IFITM10: variants seen among roughly 807,000 people sequenced by gnomAD.
The protein encoded by IFITM10 is interferon-induced transmembrane protein 10.
IFITM10 carries 17 observed loss-of-function variants against 19.0 expected under a neutral mutation model. The observed-to-expected ratio is 0.90, with a 90% confidence interval of 0.61 to 1.34. IFITM10 has a LOEUF of 1.34. IFITM10 is among the 40% of genes most tolerant of loss of function. The pLI is 0.00. For synonymous variants in IFITM10, 148 were observed against 147.2 expected (o/e 1.01, Z -0.04); for missense variants, 306 against 319.8 (o/e 0.96, Z 0.33).
intron 2 of IFITM10, among the ~76,000 whole-genome samples, chr11:1,739,514 G>C (rs1473087418): frequency 6.6e-6 from 1 of 152,164 alleles, no homozygotes; most frequent in Non-Finnish European, 1.5e-5. Context: ...TACATTGTAG[G>C]GAGAAGATAC....
rs1366146045 is a variant in IFITM10, at chr11:1,734,283, A to T, written c.*997T>A. 6.6e-6 allele frequency: 1 copy of T among 152,214 alleles called. No homozygotes were observed. The highest frequency in any genetic ancestry group is 1.9e-4 in the East Asian group (1 of 5,162). 9.4% of individuals were successfully genotyped at this position (152,214 alleles called of 1,614,324 possible). On this transcript the variant is annotated 3_prime_UTR_variant, in exon 3 of 3. Transcript: ENST00000340134. ...CTGCCTCCCACATTGTGGACTGCAC[A>T]TGCCATGGGCCGTCAGGGCGCTGGC...
At chr11:1,746,314 A>G (rs936962616) in intron 2 of IFITM10, 8 of 369,256 alleles carry the variant, frequency 2.2e-5, no homozygotes, top group African/African-American at 1.5e-4. Flanking sequence ...ACATGCAAAT[A>G]CACTCCTGCC....
intron 1 of IFITM10, 98 bp from the exon 2 acceptor site, chr11:1,748,217 A>C: frequency 1.0e-6 from 1 of 960,178 alleles, no homozygotes; most frequent in Non-Finnish European, 1.4e-6. Flanking sequence ...TGGAGACGGA[A>C]ATCCCTGCGG....
At position 1,749,049 on chromosome 11, in the gene IFITM10, CT is replaced by C. The variant is rs1226034081; in HGVS notation, c.85-931del. On this transcript the variant is annotated intron_variant, in intron 1 of 2. Coordinates refer to ENST00000340134, the MANE Select transcript of IFITM10 (RefSeq NM_001170820.4). ...ACTCCTCGGCGCGCGGCCGGACCCC[CT>C]GAGCCTCGGTGCGCGCGTCCTTCCG... 9 of 1,128,686 alleles carry C rather than the reference CT, an allele frequency of 8.0e-6. No homozygotes were observed. In the African/African-American group the frequency reaches 1.0e-4, roughly 13 times the overall value. 69.9% of individuals were successfully genotyped at this position (1,128,686 alleles called of 1,614,324 possible).
intron 2 of IFITM10, among the ~76,000 whole-genome samples, chr11:1,736,136 A>G (rs558071641): frequency 2.0e-5 from 3 of 152,352 alleles, no homozygotes; most frequent in South Asian, 2.1e-4. Context: ...GTTTGCTGTA[A>G]GAAGAAACCA....
At chr11:1,744,601 A>C (rs750039208) in intron 2 of IFITM10, 1 of 152,184 alleles carries the variant, frequency 6.6e-6, no homozygotes, top group Non-Finnish European at 1.5e-5. Context: ...TCTGCGCTGC[A>C]GATCCAGCCT....
At chr11:1,745,340 G>A (rs1845626168) in intron 2 of IFITM10, 1 of 152,308 alleles carries the variant, frequency 6.6e-6, no homozygotes, top group Non-Finnish European at 1.5e-5. Context: ...ACAGAGAGAG[G>A]GGAGGCAGAG....
At chr11:1,749,444 C>A (rs1845693229) in intron 1 of IFITM10, among the ~76,000 whole-genome samples, 1 of 144,262 alleles carries the variant, frequency 6.9e-6, no homozygotes, top group Non-Finnish European at 1.5e-5. Flanking sequence ...CCATCCCTCT[C>A]GCGGAGCCCC....
chr11:1,738,495 G>C (rs960085725), intron 2 of IFITM10, among the ~76,000 whole-genome samples: 2 of 152,224 alleles, frequency 1.3e-5, no homozygotes, highest in Non-Finnish European at 2.9e-5. Flanking sequence ...CAAGTGGACA[G>C]ATGGATATGC....
intron 2 of IFITM10, among the ~76,000 whole-genome samples, chr11:1,743,184 A>G (rs568651501): frequency 4.6e-5 from 7 of 151,118 alleles, no homozygotes; most frequent in Non-Finnish European, 1.0e-4. Context: ...CAGATGAAGA[A>G]TGGACAAATG....
chr11:1,749,827 T>C (rs75963634), intron 1 of IFITM10, among the ~76,000 whole-genome samples: 18,394 of 152,088 alleles, frequency 0.12, 1,308 homozygotes, highest in Middle Eastern at 0.21. Context: ...TGTTCCTTCC[T>C]GGCTGAGCCC....
At chr11:1,750,270 C>T (rs1845702033) in intron 1 of IFITM10, 89 bp downstream of exon 1, 1 of 1,547,772 alleles carries the variant, frequency 6.5e-7, no homozygotes, top group Non-Finnish European at 8.7e-7. Flanking sequence ...TGAGTTCCTC[C>T]CCATGGAGAA....
At position 1,750,248 on chromosome 11, in the gene IFITM10, T is replaced by C. The variant is rs995094775; in HGVS notation, c.84+111A>G. 3 of 1,529,872 alleles carry C rather than the reference T, an allele frequency of 2.0e-6. No individual in the cohort carries two copies. In the African/African-American group the frequency reaches 4.1e-5, roughly 21 times the overall value. 94.8% of individuals were successfully genotyped at this position (1,529,872 alleles called of 1,614,324 possible). A position where few individuals can be genotyped will look rare whatever the true frequency, so the allele number is the denominator to read the frequency against. On this transcript the variant is annotated intron_variant, in intron 1 of 2. Transcript: ENST00000340134. Reference sequence around the variant, plus strand: ...GACGCCAGCTGATCTTCCATCCCCATAACAGTCCCCATGAGTTCCTCCCCA... The same window carrying C: ...GACGCCAGCTGATCTTCCATCCCCACAACAGTCCCCATGAGTTCCTCCCCA...
At chr11:1,748,825 CCATA>C (rs1335788971) in intron 1 of IFITM10, 1 of 160,008 alleles carries the variant, frequency 6.2e-6, no homozygotes, top group African/African-American at 2.4e-5. Context: ...CACCCCCGGG[CCATA>C]CATAGACGCA....
At chr11:1,746,374 A>C (rs1242401193) in intron 2 of IFITM10, 1 of 395,430 alleles carries the variant, frequency 2.5e-6, no homozygotes, top group African/African-American at 2.1e-5. Context: ...AAATATATGT[A>C]CACACTCATG....
At chr11:1,746,738 C>G (rs1845654937) in intron 2 of IFITM10, 1 of 398,856 alleles carries the variant, frequency 2.5e-6, no homozygotes, top group African/African-American at 2.1e-5. Context: ...CTGTCTTCTC[C>G]CCCACCCGGC....
intron 2 of IFITM10, among the ~76,000 whole-genome samples, chr11:1,741,778 T>C (rs1158807696): frequency 1.3e-5 from 2 of 152,190 alleles, no homozygotes; most frequent in Non-Finnish European, 1.5e-5. Flanking sequence ...TGACTGTTCA[T>C]GTCCCCCAAA....
At chr11:1,744,280 G>A (rs1845611463) in intron 2 of IFITM10, 1 of 152,258 alleles carries the variant, frequency 6.6e-6, no homozygotes, top group African/African-American at 2.4e-5. Context: ...GTGAGCAGAT[G>A]TGGCTGGGGC....
intron 2 of IFITM10, among the ~76,000 whole-genome samples, chr11:1,739,080 AAG>A (rs1851117651): frequency 2.0e-5 from 3 of 151,042 alleles, no homozygotes; most frequent in Admixed American, 6.6e-5. Context: ...AAAAAAAAAA[AAG>A]AATGGAACTC....
Sources: gnomAD v4.1 joint callset for allele counts (sites outside exome capture counted in the v4.1 genomes callset) on GRCh38, gnomAD v4.1.1 for gene constraint, MANE v1.5 for transcripts, NCBI Gene and HGNC (gene_info 2026-07-23, HGNC 2026-07-21) for gene names.